Variants in SEC24B observed in about 807,000 individuals in gnomAD.
SEC24B encodes protein transport protein Sec24B.
A neutral mutation model predicts 142.8 loss-of-function variants in SEC24B; 45 were observed. That is an observed-to-expected ratio of 0.32 (90% CI 0.25 to 0.40). The LOEUF is 0.40. SEC24B is among the 10% of genes least tolerant of loss of function. SEC24B has a pLI of 1.00. For missense variants in SEC24B, 1,409 were observed against 1,526.8 expected (o/e 0.92, Z 1.29); for synonymous variants, 574 against 568.2 (o/e 1.01, Z -0.15).
chr4:109,464,998 T>A (rs1262445240), intron 2 of SEC24B, among the ~76,000 whole-genome samples: 1 of 152,222 alleles, frequency 6.6e-6, no homozygotes, highest in Non-Finnish European at 1.5e-5. Flanking sequence ...AACAAGATAC[T>A]TCTGTACCTA....
Position 109,525,396 on chromosome 4 carries a change from C to T in SEC24B, c.2683C>T (p.His895Tyr), listed in dbSNP as rs750477022. The stretch of plus-strand genomic sequence containing the variant: ...GTGCATCTATTATTATCCATCATTC[C>T]ACTATACTCACAATCCTTCACAAGC... ...AGCIYYYPSFHYTHNPSQAEK... is the reference protein window; with the variant it reads ...AGCIYYYPSFYYTHNPSQAEK... The change falls in exon 16 of 24, where the codon CAC becomes TAC. Residue 895 changes from histidine (H) to tyrosine (Y), a missense_variant. By Grantham distance (83) the His-to-Tyr change is moderately conservative. Transcript: ENST00000265175. 6.2e-7 allele frequency: 1 copy of T among 1,611,146 alleles called. No homozygotes were observed. Among genetic ancestry groups the T allele is most frequent in the Non-Finnish European group, 8.5e-7 (1 of 1,178,438 alleles).
intron 2 of SEC24B, among the ~76,000 whole-genome samples, chr4:109,472,600 C>T (rs533044219): frequency 1.3e-4 from 20 of 151,736 alleles, no homozygotes; most frequent in African/African-American, 4.3e-4. Flanking sequence ...TCTTACTCAC[C>T]TCCTTACCTG....
Position 109,531,525 on chromosome 4 carries a change from A to G in SEC24B, c.3390+3A>G, listed in dbSNP as rs1447529465. ...GGATAGACAGATTGACAGATGAGGT[A>G]TGTATTTTAGTGCATTTGAAATGTT... On this transcript the variant is annotated splice_donor_region_variant and intron_variant, in intron 20 of 23. Coordinates refer to ENST00000265175, the MANE Select transcript of SEC24B (RefSeq NM_006323.5). The G allele has an allele frequency of 1.3e-6, 2 of 1,599,890 alleles. No individual in the cohort carries two copies. The highest frequency in any genetic ancestry group is 2.2e-5 in the East Asian group (1 of 44,742).
intron 6 of SEC24B, among the ~76,000 whole-genome samples, chr4:109,504,707 G>C (rs573122264): frequency 6.6e-6 from 1 of 152,100 alleles, no homozygotes; most frequent in Non-Finnish European, 1.5e-5. Flanking sequence ...ATGACAGCCT[G>C]ATCCTTTAAT....
At chr4:109,519,319 G>C (rs1723351185) in intron 11 of SEC24B, among the ~76,000 whole-genome samples, 1 of 152,064 alleles carries the variant, frequency 6.6e-6, no homozygotes, top group African/African-American at 2.4e-5. Flanking sequence ...AATAGACTGT[G>C]CAAAACCAAA....
intron 1 of SEC24B, among the ~76,000 whole-genome samples, chr4:109,455,805 A>C (rs1269816587): frequency 6.6e-6 from 1 of 152,012 alleles, no homozygotes; most frequent in Non-Finnish European, 1.5e-5. Context: ...AGTAAGCCTT[A>C]AAATTGGGTA....
At chr4:109,452,006 T>G (rs376452658) in intron 1 of SEC24B, among the ~76,000 whole-genome samples, 1 of 152,120 alleles carries the variant, frequency 6.6e-6, no homozygotes, top group South Asian at 2.1e-4. Context: ...CTGTATAGGT[T>G]TAGATAAACA....
At chr4:109,471,209 C>G (rs951634804) in intron 2 of SEC24B, among the ~76,000 whole-genome samples, 1 of 152,160 alleles carries the variant, frequency 6.6e-6, no homozygotes, top group Admixed American at 6.5e-5. Context: ...GTGGCAAGAT[C>G]TTGGCTCACT....
In SEC24B at chr4:109,445,242, G is replaced by GTTT. The variant is rs70949078; in HGVS notation, c.133+11257_133+11259dup. ...TTTTTAGTTTTTTCTTTCTTTCTTTGTTTTTTTTTTTTTTTTTTTGAGACG... is the reference window on the plus strand; with the variant it reads ...TTTTTAGTTTTTTCTTTCTTTCTTTGTTTTTTTTTTTTTTTTTTTTTTGAGACG... On this transcript the variant is annotated intron_variant, in intron 1 of 23. Coordinates refer to ENST00000265175, the MANE Select transcript of SEC24B (RefSeq NM_006323.5). Among the ~76,000 whole-genome samples the GTTT allele has an allele frequency of 4.5e-3, 513 of 112,758 alleles. 27 individuals are homozygous for GTTT. Among genetic ancestry groups the GTTT allele is most frequent in the African/African-American group, 0.018 (477 of 26,396 alleles). 74.0% of individuals were successfully genotyped at this position (112,758 alleles called of 152,430 possible).
At chr4:109,530,532 G>A in intron 19 of SEC24B, 68 bp downstream of exon 19, 1 of 1,258,458 alleles carries the variant, frequency 7.9e-7, no homozygotes, top group Non-Finnish European at 1.1e-6. Flanking sequence ...CATGAAGAAA[G>A]GAAATCTAGG....
chr4:109,486,856 A>G (rs1021356478), intron 4 of SEC24B, among the ~76,000 whole-genome samples: 3 of 152,180 alleles, frequency 2.0e-5, no homozygotes, highest in Admixed American at 6.5e-5. Flanking sequence ...CAGATACCAT[A>G]TGATTACAGT....
At chr4:109,496,828 A>G (rs1453458983) in intron 6 of SEC24B, among the ~76,000 whole-genome samples, 1 of 152,176 alleles carries the variant, frequency 6.6e-6, no homozygotes, top group Non-Finnish European at 1.5e-5. Context: ...ATGTGAAACA[A>G]TTTTTAAGTC....
intron 7 of SEC24B, among the ~76,000 whole-genome samples, chr4:109,507,270 T>C (rs1736788541): frequency 6.6e-6 from 1 of 151,236 alleles, no homozygotes; most frequent in Non-Finnish European, 1.5e-5. Context: ...CAGAACAACA[T>C]TGTCTTCCTT....
rs975005080 is a variant in SEC24B, at chr4:109,463,614, G to T, written c.847G>T (p.Ala283Ser). The part of the protein sequence containing the change: ...NLIRNHTGSL[A>S]VANNNPTITV... ...CATCCGAAACCACACAGGATCCCTG[G>T]CTGTAGCGAACAACAACCCAACCAT... Residue 283 changes from alanine (A) to serine (S), a missense_variant, in exon 2 of 24, where the codon GCT becomes TCT. Ala to Ser is a moderately conservative substitution (Grantham distance 99). Transcript: ENST00000265175. The T allele has an allele frequency of 6.2e-7, 1 of 1,613,552 alleles. No individual in the cohort carries two copies. The highest frequency in any genetic ancestry group is 1.3e-5 in the African/African-American group (1 of 74,888).
intron 1 of SEC24B, among the ~76,000 whole-genome samples, chr4:109,443,457 G>T (rs1729120718): frequency 6.6e-6 from 1 of 152,078 alleles, no homozygotes; most frequent in Non-Finnish European, 1.5e-5. Context: ...GCCTGGGATG[G>T]TCTCAAACTC....
chr4:109,463,508 G>A lies in SEC24B; in HGVS notation c.741G>A (p.Gln247=), dbSNP rs752637964. ...PSPLPPLPSQ[Q]HHQQQSLSGY... ...CACTTCCACCTCTACCATCACAACA[G>A]CACCACCAGCAGCAAAGTCTTTCAG... Residue 247 remains glutamine, a synonymous_variant, in exon 2 of 24, where the codon CAG becomes CAA. Coordinates refer to ENST00000265175, the MANE Select transcript of SEC24B (RefSeq NM_006323.5). The A allele has an allele frequency of 8.1e-6, 13 of 1,613,932 alleles. No individual in the cohort carries two copies. The highest frequency in any genetic ancestry group is 1.0e-5 in the Non-Finnish European group (12 of 1,180,022).
At chr4:109,528,888 G>A (rs1724575640) in intron 18 of SEC24B, among the ~76,000 whole-genome samples, 1 of 152,172 alleles carries the variant, frequency 6.6e-6, no homozygotes, top group Non-Finnish European at 1.5e-5. Context: ...ATCAGTCCTG[G>A]TGTGGTGGCC....
chr4:109,513,518 G>A lies in SEC24B; in HGVS notation c.1904-229G>A, dbSNP rs548099178. Among the ~76,000 whole-genome samples, 148 of 152,190 alleles carry A rather than the reference G, an allele frequency of 9.7e-4. 1 individual carries two copies. The South Asian group carries it at 0.018, about 18-fold the overall frequency. The stretch of plus-strand genomic sequence containing the variant: ...AGGCTGTTCTCAAACTCCTGACCTC[G>A]TGATCCGCCCGCCGCGGCCGCCCAA... On this transcript the variant is annotated intron_variant, in intron 9 of 23. Transcript: ENST00000265175.
intron 3 of SEC24B, among the ~76,000 whole-genome samples, chr4:109,476,778 A>G (rs1733196495): frequency 6.6e-6 from 1 of 152,150 alleles, no homozygotes; most frequent in South Asian, 2.1e-4. Flanking sequence ...CAAGCATATC[A>G]TATGTTTTCT....
Sources: allele counts gnomAD v4.1 joint callset (sites outside exome capture counted in the v4.1 genomes callset), GRCh38; gene constraint gnomAD v4.1.1; transcripts MANE v1.5; gene names NCBI Gene and HGNC (gene_info 2026-07-23, HGNC 2026-07-21).